CTNNA2: variants seen among roughly 807,000 people sequenced by gnomAD.
CTNNA2 encodes catenin alpha-2.
Under a neutral mutation model 101.0 loss-of-function variants are expected in CTNNA2, and 42 were observed. The ratio of observed to expected loss-of-function variants is 0.42; its 90% CI spans 0.32 to 0.54. CTNNA2 has a LOEUF of 0.54. Ranked by LOEUF, CTNNA2 falls within the 20% of genes least tolerant of loss-of-function variation. CTNNA2 has a pLI of 0.14. For synonymous variants in CTNNA2, 450 were observed against 456.4 expected (o/e 0.99, Z 0.18); for missense variants, 871 against 1,223.1 (o/e 0.71, Z 4.29).
At chr2:79,593,547 T>G (rs1558756837) in intron 1 of CTNNA2, among the ~76,000 whole-genome samples, 1 of 152,164 alleles carries the variant, frequency 6.6e-6, no homozygotes, top group Admixed American at 6.5e-5. Context: ...AGAAACAGCC[T>G]GCCTTCCAGC....
chr2:80,057,433 A>C (rs1347069076), intron 7 of CTNNA2, among the ~76,000 whole-genome samples: 1 of 152,200 alleles, frequency 6.6e-6, no homozygotes, highest in Non-Finnish European at 1.5e-5. Context: ...TTTAGGCCCT[A>C]AATGTTAATT....
intron 9 of CTNNA2, among the ~76,000 whole-genome samples, chr2:80,434,545 C>T (rs1015819821): frequency 1.6e-5 from 2 of 125,968 alleles, no homozygotes; most frequent in African/African-American, 3.1e-5. Context: ...GGCTAACATA[C>T]AGTGGTGTGG....
At chr2:80,632,271 C>T (rs1038876433) in intron 18 of CTNNA2, among the ~76,000 whole-genome samples, 2 of 150,240 alleles carry the variant, frequency 1.3e-5, no homozygotes, top group South Asian at 2.1e-4. Context: ...TGACCCCCCC[C>T]ACCCCAACAC....
chr2:79,975,805 A>C (rs990204216), intron 7 of CTNNA2, among the ~76,000 whole-genome samples: 7 of 152,030 alleles, frequency 4.6e-5, no homozygotes, highest in African/African-American at 1.7e-4. Context: ...TAGGCGCACC[A>C]CCCTCCAAGG....
chr2:79,727,672 A>G (rs929875290), intron 2 of CTNNA2, among the ~76,000 whole-genome samples: 7 of 150,588 alleles, frequency 4.6e-5, no homozygotes, highest in Admixed American at 4.6e-4. Flanking sequence ...GGTGTCCTGC[A>G]CCCATTAACT....
intron 7 of CTNNA2, among the ~76,000 whole-genome samples, chr2:79,936,576 A>C (rs1574355807): frequency 3.4e-5 from 5 of 146,010 alleles, no homozygotes; most frequent in Admixed American, 6.8e-5. Context: ...CTTTCAACCC[A>C]CCTCAGTTGT....
chr2:80,455,704 G>A (rs1224444457), intron 9 of CTNNA2, among the ~76,000 whole-genome samples: 1 of 152,164 alleles, frequency 6.6e-6, no homozygotes, highest in East Asian at 1.9e-4. Context: ...AATGTGTGCT[G>A]TCCGTGCGAC....
chr2:79,651,276 G>T (rs1484274195), intron 1 of CTNNA2, among the ~76,000 whole-genome samples: 1 of 152,130 alleles, frequency 6.6e-6, no homozygotes, highest in Non-Finnish European at 1.5e-5. Flanking sequence ...CATACTCATT[G>T]TTGAGTAAAT....
chr2:80,178,372 C>A (rs1317477203), intron 7 of CTNNA2, among the ~76,000 whole-genome samples: 1 of 152,192 alleles, frequency 6.6e-6, no homozygotes. Context: ...TCTAACAAAG[C>A]CCAGTAACAG....
intron 2 of CTNNA2, among the ~76,000 whole-genome samples, chr2:79,695,972 A>G (rs1221297064): frequency 2.6e-5 from 4 of 151,910 alleles, no homozygotes; most frequent in African/African-American, 9.7e-5. Context: ...ATTTTTTCCC[A>G]TATCATTGCC....
intron 3 of CTNNA2, among the ~76,000 whole-genome samples, chr2:79,784,024 G>A (rs759602681): frequency 2.0e-4 from 31 of 152,118 alleles, no homozygotes; most frequent in Non-Finnish European, 4.0e-4. Context: ...TGAGGATTAA[G>A]TTTTTCTTCT....
intron 1 of CTNNA2, among the ~76,000 whole-genome samples, chr2:79,650,736 C>G (rs1360324893): frequency 6.6e-6 from 1 of 151,162 alleles, no homozygotes; most frequent in Non-Finnish European, 1.5e-5. Context: ...GCTGCACCCA[C>G]TAACTCGTCA....
chr2:80,438,384 C>T (rs1469866244), intron 9 of CTNNA2, among the ~76,000 whole-genome samples: 2 of 151,138 alleles, frequency 1.3e-5, no homozygotes, highest in Admixed American at 1.3e-4. Context: ...TCACCCATAA[C>T]GATGCCAAAT....
chr2:79,760,904 T>C (rs1485261288), intron 3 of CTNNA2, among the ~76,000 whole-genome samples: 2 of 151,624 alleles, frequency 1.3e-5, no homozygotes, highest in Non-Finnish European at 2.9e-5. Context: ...AGCAGGGTGT[T>C]ACGTGTGCCC....
intron 3 of CTNNA2, among the ~76,000 whole-genome samples, chr2:79,763,936 T>A (rs1185541928): frequency 6.6e-6 from 1 of 152,212 alleles, no homozygotes; most frequent in African/African-American, 2.4e-5. Flanking sequence ...CCATGTAGTA[T>A]TTGGACTGCA....
At chr2:79,362,030 T>A (rs1240718803) in intron 3 of CTNNA2, among the ~76,000 whole-genome samples, 2 of 152,148 alleles carry the variant, frequency 1.3e-5, no homozygotes, top group African/African-American at 4.8e-5. Flanking sequence ...ATATTAACCA[T>A]CATACTAGCC....
rs574994246 is a variant in CTNNA2 at position 79,684,285 on chromosome 2, A to T, written c.102+32627A>T. Among the ~76,000 whole-genome samples, 9 of 152,312 alleles carry T rather than the reference A, an allele frequency of 5.9e-5. No individual in the cohort carries two copies. The East Asian group carries it at 1.7e-3, about 29-fold the overall frequency. ...CATGCAATACTTTATGATATTTTCT[A>T]TTCTATCTTCTGCCCTGTTCTTTTC... On this transcript the variant is annotated intron_variant, in intron 2 of 18. Transcript: ENST00000402739.
At chr2:80,528,256 C>T (rs1253743673) in intron 9 of CTNNA2, among the ~76,000 whole-genome samples, 1 of 152,110 alleles carries the variant, frequency 6.6e-6, no homozygotes, top group Non-Finnish European at 1.5e-5. Context: ...AGTACAGTGG[C>T]GTGATCTTGG....
intron 4 of CTNNA2, among the ~76,000 whole-genome samples, chr2:79,411,465 G>A (rs1279494035): frequency 6.6e-6 from 1 of 152,006 alleles, no homozygotes; most frequent in African/African-American, 2.4e-5. Flanking sequence ...AAGTCGAAAT[G>A]AAGGAAAAAA....
Sources: gnomAD v4.1 joint callset for allele counts (sites outside exome capture counted in the v4.1 genomes callset) on GRCh38, gnomAD v4.1.1 for gene constraint, MANE v1.5 for transcripts, NCBI Gene and HGNC (gene_info 2026-07-23, HGNC 2026-07-21) for gene names.